The following ERICH1 variants were observed in gnomAD, a reference collection of about 807,000 sequenced individuals.
The protein encoded by ERICH1 is glutamate-rich protein 1.
ERICH1 carries 56 observed loss-of-function variants against 39.6 expected under a neutral mutation model. The observed-to-expected ratio is 1.41, with a 90% CI of 1.14 to 1.77. The LOEUF (loss-of-function observed/expected upper bound fraction) is 1.77, where lower values mean the gene tolerates loss of function less well. ERICH1 is among the 40% of genes most tolerant of loss of function. ERICH1 has a pLI of 0.00. For missense variants in ERICH1, 826 were observed against 575.4 expected (o/e 1.44, Z -4.45); for synonymous variants, 313 against 223.6 (o/e 1.40, Z -3.57).
intron 1 of ERICH1, among the ~76,000 whole-genome samples, chr8:716,511 C>T (rs552424745): frequency 1.3e-5 from 2 of 152,362 alleles, no homozygotes; most frequent in East Asian, 3.9e-4. Flanking sequence ...GCACTCTCTC[C>T]CTTAAACTGA....
chr8:617,106 A>G (rs1208379646), intron 3 of ERICH1, among the ~76,000 whole-genome samples: 1 of 152,158 alleles, frequency 6.6e-6, no homozygotes, highest in African/African-American at 2.4e-5. Flanking sequence ...GACAGTGCAT[A>G]TTATTCCAGT....
chr8:726,896 C>CAAAG (rs149696270), intron 1 of ERICH1, among the ~76,000 whole-genome samples: 1 of 148,550 alleles, frequency 6.7e-6, no homozygotes, highest in Non-Finnish European at 1.5e-5. Flanking sequence ...CACACACATC[C>CAAAG]CAGACATGCA....
At chr8:675,204 C>G (rs80079471) in intron 3 of ERICH1, among the ~76,000 whole-genome samples, 598 of 8,408 alleles carry the variant, frequency 0.071, 67 homozygotes, top group East Asian at 0.39. Flanking sequence ...AGACGCGGCG[C>G]CCCCTCGTGA....
chr8:643,270 G>A (rs1439795233), intron 3 of ERICH1, among the ~76,000 whole-genome samples: 4 of 151,978 alleles, frequency 2.6e-5, no homozygotes, highest in African/African-American at 2.4e-5. Flanking sequence ...CAGCAGGGAC[G>A]GGAAGCTGGC....
At chr8:630,363 C>G (rs1386337214) in intron 3 of ERICH1, among the ~76,000 whole-genome samples, 3 of 143,114 alleles carry the variant, frequency 2.1e-5, no homozygotes, top group Non-Finnish European at 4.6e-5. Flanking sequence ...ACAGAGCTGA[C>G]TCACACCCTC....
intron 3 of ERICH1, among the ~76,000 whole-genome samples, chr8:631,757 C>G (rs1294136241): frequency 2.0e-5 from 3 of 152,190 alleles, no homozygotes; most frequent in Non-Finnish European, 4.4e-5. Flanking sequence ...CTGGAACGTT[C>G]TCAGCTTCCC....
intron 1 of ERICH1, among the ~76,000 whole-genome samples, chr8:720,411 C>A (rs560623872): frequency 2.0e-5 from 3 of 152,324 alleles, no homozygotes; most frequent in African/African-American, 2.4e-5. Context: ...AAGCTGATAA[C>A]TGGGATAATC....
intron 2 of ERICH1, among the ~76,000 whole-genome samples, chr8:697,115 C>T (rs369239230): frequency 7.9e-5 from 12 of 152,218 alleles, no homozygotes; most frequent in African/African-American, 2.7e-4. Flanking sequence ...TCTGTATATA[C>T]ACAGATGGAC....
intron 3 of ERICH1, among the ~76,000 whole-genome samples, chr8:654,172 CA>C (rs1254175943): frequency 6.6e-6 from 1 of 152,216 alleles, no homozygotes; most frequent in Non-Finnish European, 1.5e-5. Flanking sequence ...GACTTTGCCT[CA>C]AAAGCCCCAG....
chr8:642,503 C>A (rs910927030), intron 3 of ERICH1, among the ~76,000 whole-genome samples: 1 of 151,988 alleles, frequency 6.6e-6, no homozygotes, highest in African/African-American at 2.4e-5. Flanking sequence ...AGCCACCACG[C>A]CCGGCTAATT....
downstream of ERICH1, among the ~76,000 whole-genome samples, chr8:662,683 G>C (rs988324125): frequency 6.6e-6 from 1 of 152,178 alleles, no homozygotes; most frequent in Non-Finnish European, 1.5e-5. Flanking sequence ...AAAAAAAGAA[G>C]CATTTAAACG....
intron 2 of ERICH1, among the ~76,000 whole-genome samples, chr8:710,196 C>T (rs2132292832): frequency 6.6e-6 from 1 of 152,290 alleles, no homozygotes. Flanking sequence ...GAAGCAAACG[C>T]AGAATGAGAT....
At chr8:641,709 C>T (rs1002968781) in intron 3 of ERICH1, among the ~76,000 whole-genome samples, 4 of 152,300 alleles carry the variant, frequency 2.6e-5, no homozygotes, top group African/African-American at 7.2e-5. Flanking sequence ...GAGCTCCTCC[C>T]GGAGGACCCC....
intron 2 of ERICH1, among the ~76,000 whole-genome samples, chr8:707,260 T>C (rs1407363781): frequency 6.8e-6 from 1 of 147,470 alleles, no homozygotes; most frequent in East Asian, 2.0e-4. Context: ...CAGGCTGGAG[T>C]GCAATGATGC....
intron 3 of ERICH1, among the ~76,000 whole-genome samples, chr8:644,344 G>A (rs1799358522): frequency 6.6e-6 from 1 of 152,206 alleles, no homozygotes; most frequent in Non-Finnish European, 1.5e-5. Flanking sequence ...CTCTCACTGG[G>A]GCCCACAGGT....
chr8:664,552 CTTT>C lies in ERICH1; in HGVS notation c.*48_*50del. 10 of 1,573,488 alleles carry C rather than the reference CTTT, an allele frequency of 6.4e-6. No individual in the cohort carries two copies. The highest frequency in any genetic ancestry group is 8.6e-6 in the Non-Finnish European group (10 of 1,161,688). On this transcript the variant is annotated 3_prime_UTR_variant, in exon 6 of 6. Coordinates refer to ENST00000262109, the MANE Select transcript of ERICH1 (RefSeq NM_207332.3). ...AACTCTAAGCCCATCTCACATTTGT[CTTT>C]TAAGTTTTTTTGTTAAAGAGGAGCT...
intron 2 of ERICH1, among the ~76,000 whole-genome samples, chr8:705,056 G>C (rs10104028): frequency 0.33 from 49,495 of 152,156 alleles, 8,469 homozygotes; most frequent in East Asian, 0.48. Context: ...TCTTATCTTT[G>C]GGACAAATGG....
intron 2 of ERICH1, among the ~76,000 whole-genome samples, chr8:708,668 T>C (rs1813867968): frequency 7.0e-6 from 1 of 143,474 alleles, no homozygotes; most frequent in African/African-American, 2.6e-5. Flanking sequence ...GCTGAGTGGT[T>C]ACGGGATAAT....
At chr8:616,737 C>T (rs915186240) in intron 3 of ERICH1, among the ~76,000 whole-genome samples, 3 of 124,224 alleles carry the variant, frequency 2.4e-5, no homozygotes, top group African/African-American at 6.5e-5. Context: ...GATAGGGAAG[C>T]GGGAGAGAGA....
Sources: allele counts gnomAD v4.1 joint callset (sites outside exome capture counted in the v4.1 genomes callset), GRCh38; gene constraint gnomAD v4.1.1; transcripts MANE v1.5; gene names NCBI Gene and HGNC (gene_info 2026-07-23, HGNC 2026-07-21).